The following IQCH variants were observed in gnomAD, a reference collection of about 807,000 sequenced individuals.
The protein encoded by IQCH is IQ domain-containing protein H.
In IQCH, 98 loss-of-function variants were observed where a neutral mutation model predicts 117.0. The ratio of observed to expected loss-of-function variants is 0.84; its 90% CI spans 0.71 to 0.99. The LOEUF is 0.99. Among genes scored for constraint, IQCH ranks in the 50% least tolerant of loss-of-function variants. IQCH has a pLI of 0.00. For missense variants in IQCH, 1,102 were observed against 1,243.8 expected (o/e 0.89, Z 1.72); for synonymous variants, 412 against 448.2 (o/e 0.92, Z 1.02).
chr15:67,354,782 T>C (rs1372889786), intron 6 of IQCH, among the ~76,000 whole-genome samples: 2 of 152,204 alleles, frequency 1.3e-5, no homozygotes, highest in Non-Finnish European at 2.9e-5. Context: ...ATGGTGGCAT[T>C]GATCAGCAGG....
chr15:67,481,888 C>G lies in IQCH; in HGVS notation c.2799+6070C>G, dbSNP rs1381865887. On this transcript the variant is annotated intron_variant, in intron 18 of 20. Transcript: ENST00000335894. This position sits in a 1 kb window ranked among gnomAD's most constrained non-coding sequence, Gnocchi z 4.1. ...GTTGCTGCTTAAGACTTAAAACAAC[C>G]CTTGGGCCCTCAACTATCTACAGGC... Among the ~76,000 whole-genome samples, 1 of 152,078 alleles carries G rather than the reference C, an allele frequency of 6.6e-6. No homozygotes were observed. Among genetic ancestry groups the G allele is most frequent in the African/African-American group, 2.4e-5 (1 of 41,368 alleles).
chr15:67,314,630 T>C (rs1260752549), intron 4 of IQCH, among the ~76,000 whole-genome samples: 3 of 152,148 alleles, frequency 2.0e-5, no homozygotes, highest in African/African-American at 7.2e-5. Flanking sequence ...ATAGTTGTAT[T>C]GGGTCAGGCA....
At chr15:67,349,281 A>T (rs1969543816) in intron 6 of IQCH, among the ~76,000 whole-genome samples, 1 of 152,186 alleles carries the variant, frequency 6.6e-6, no homozygotes, top group Non-Finnish European at 1.5e-5. Flanking sequence ...TCAAAATTAA[A>T]CATTTATACT....
At chr15:67,354,081 C>T (rs1003489843) in intron 6 of IQCH, among the ~76,000 whole-genome samples, 2 of 151,830 alleles carry the variant, frequency 1.3e-5, no homozygotes, top group East Asian at 1.9e-4. Flanking sequence ...TTATACTATT[C>T]CATAGGGGAA....
chr15:67,361,177 T>A (rs1409184100), intron 8 of IQCH, among the ~76,000 whole-genome samples: 1 of 152,240 alleles, frequency 6.6e-6, no homozygotes, highest in Non-Finnish European at 1.5e-5. Flanking sequence ...GCTCTCTGCC[T>A]GTTCCAGGTT....
chr15:67,313,973 A>G (rs1298924438), intron 4 of IQCH, among the ~76,000 whole-genome samples: 1 of 152,202 alleles, frequency 6.6e-6, no homozygotes, highest in Non-Finnish European at 1.5e-5. Flanking sequence ...GCCTAAGTAG[A>G]GTTCTGCAGG....
chr15:67,470,810 C>T (rs1436551486), intron 17 of IQCH, among the ~76,000 whole-genome samples: 2 of 152,214 alleles, frequency 1.3e-5, no homozygotes, highest in African/African-American at 4.8e-5. Flanking sequence ...GTTCCCACCT[C>T]ATCCTACAAA....
intron 4 of IQCH, among the ~76,000 whole-genome samples, chr15:67,288,169 T>G (rs8038739): frequency 0.45 from 68,900 of 151,978 alleles, 16,150 homozygotes; most frequent in Non-Finnish European, 0.52. Flanking sequence ...TAACATTTGG[T>G]CTGTCCTTGA....
chr15:67,255,447 A>T (rs1238830535), intron 1 of IQCH: 1 of 155,650 alleles, frequency 6.4e-6, no homozygotes, highest in Non-Finnish European at 1.4e-5. Context: ...GGAATGAAAA[A>T]ATGTGACATT....
intron 4 of IQCH, among the ~76,000 whole-genome samples, chr15:67,333,097 CTT>C (rs1968736693): frequency 6.6e-6 from 1 of 152,146 alleles, no homozygotes; most frequent in Non-Finnish European, 1.5e-5. Context: ...TCTGGGGTCT[CTT>C]TTTATAATCC....
chr15:67,256,462 G>A (rs567143761), intron 1 of IQCH, among the ~76,000 whole-genome samples: 28 of 152,254 alleles, frequency 1.8e-4, no homozygotes, highest in African/African-American at 6.5e-4. Context: ...CTGATACAGC[G>A]TGGATCAAAA....
chr15:67,381,029 C>T lies in IQCH; in HGVS notation c.1373-3907C>T, dbSNP rs1417897363. 1.3e-5 allele frequency among the ~76,000 whole-genome samples: 2 copies of T among 152,178 alleles called. No individual in the cohort carries two copies. The highest frequency in any genetic ancestry group is 2.9e-5 in the Non-Finnish European group (2 of 68,026). On this transcript the variant is annotated intron_variant, in intron 10 of 20. Transcript: ENST00000335894. This position sits in a 1 kb window ranked among gnomAD's most constrained non-coding sequence, Gnocchi z 5.1. ...CCCACTGGGTAAGAAGCTGAGTTTTCAAGAACGTGTGATCTGCTGCAACAA... is the reference window on the plus strand; with the variant it reads ...CCCACTGGGTAAGAAGCTGAGTTTTTAAGAACGTGTGATCTGCTGCAACAA...
At chr15:67,353,167 A>C (rs1289485221) in intron 6 of IQCH, among the ~76,000 whole-genome samples, 1 of 151,834 alleles carries the variant, frequency 6.6e-6, no homozygotes, top group Non-Finnish European at 1.5e-5. Flanking sequence ...TAAAGAAAAA[A>C]GAAAACAAGA....
chr15:67,368,502 A>C (rs905480062), intron 8 of IQCH, among the ~76,000 whole-genome samples: 1 of 152,260 alleles, frequency 6.6e-6, no homozygotes. Flanking sequence ...CATTCCATTC[A>C]TATTCTAAAT....
rs2082895090 is a variant in IQCH, at chr15:67,465,016, G to A, written c.2506-111G>A. ...AAACATCTACTCCATTAAGACACAT[G>A]GTCACTGGTTTCACTTAGTCTGATG... On this transcript the variant is annotated intron_variant, in intron 16 of 20. Coordinates refer to ENST00000335894, the MANE Select transcript of IQCH (RefSeq NM_001031715.3). The surrounding 1 kb of genome is among the most constrained non-coding windows in gnomAD (Gnocchi z 5.9). 1.1e-6 allele frequency: 1 copy of A among 925,588 alleles called. No homozygotes were observed. Among genetic ancestry groups the A allele is most frequent in the African/African-American group, 1.7e-5 (1 of 60,446 alleles). 57.3% of individuals were successfully genotyped at this position (925,588 alleles called of 1,614,324 possible).
Position 67,388,828 on chromosome 15 carries a change from TAGATGCCAATG to T in IQCH, c.1457-2_1465del. 6.2e-7 allele frequency: 1 copy of T among 1,611,852 alleles called. No homozygotes were observed. Among genetic ancestry groups the T allele is most frequent in the Non-Finnish European group, 8.5e-7 (1 of 1,178,144 alleles). On this transcript the variant is annotated splice_acceptor_variant and coding_sequence_variant, in exon 12 of 21. Coordinates refer to ENST00000335894, the MANE Select transcript of IQCH (RefSeq NM_001031715.3). LOFTEE classifies it high-confidence loss of function. The surrounding 1 kb of genome is among the most constrained non-coding windows in gnomAD (Gnocchi z 5.5). ...TAATTAACATTGTGCCTGTTGTTTT[TAGATGCCAATG>T]TGAATGTCATCTACATCTGCTCCCA...
At chr15:67,289,224 T>G (rs917345499) in intron 4 of IQCH, among the ~76,000 whole-genome samples, 2 of 152,252 alleles carry the variant, frequency 1.3e-5, no homozygotes, top group Admixed American at 1.3e-4. Flanking sequence ...TTTTAAATAG[T>G]GAATTAGAGA....
At position 67,416,830 on chromosome 15, in the gene IQCH, A is replaced by AT. The variant is rs965476158; in HGVS notation, c.2098-93dup. The AT allele has an allele frequency of 1.5e-4, 147 of 956,536 alleles. No individual in the cohort carries two copies. The highest frequency in any genetic ancestry group is 3.6e-4 in the Middle Eastern group (1 of 2,774). 59.3% of individuals were successfully genotyped at this position (956,536 alleles called of 1,614,324 possible). On this transcript the variant is annotated intron_variant, in intron 14 of 20. Coordinates refer to ENST00000335894, the MANE Select transcript of IQCH (RefSeq NM_001031715.3). This position sits in a 1 kb window ranked among gnomAD's most constrained non-coding sequence, Gnocchi z 5.1. ...CTGACTCTGGGTAAACAGTAACCAC[A>AT]TTTTTTTTGCCTGTTGGAGGCCTGG...
chr15:67,292,337 A>C (rs1379742655), intron 4 of IQCH, among the ~76,000 whole-genome samples: 2 of 152,072 alleles, frequency 1.3e-5, no homozygotes, highest in African/African-American at 4.8e-5. Flanking sequence ...ATGCAGCCGC[A>C]ATCTCCTGGG....
Sources: gnomAD v4.1 joint callset for allele counts (sites outside exome capture counted in the v4.1 genomes callset) on GRCh38, gnomAD v4.1.1 for gene constraint, Gnocchi (gnomAD v3.1) non-coding constraint, MANE v1.5 for transcripts, NCBI Gene and HGNC (gene_info 2026-07-23, HGNC 2026-07-21) for gene names.